ABCA1: variants seen among roughly 807,000 people sequenced by gnomAD.
The protein encoded by ABCA1 is phospholipid-transporting ATPase ABCA1.
In ABCA1, 133 loss-of-function variants were observed where a neutral mutation model predicts 262.5. The ratio of observed to expected loss-of-function variants is 0.51; its 90% CI spans 0.44 to 0.59. ABCA1 has a LOEUF of 0.59. Among genes scored for constraint, ABCA1 ranks in the 20% least tolerant of loss-of-function variants. The probability of loss-of-function intolerance (pLI) is 0.00; values close to 1 mark genes in which losing one functional copy is unlikely to be tolerated. For synonymous variants in ABCA1, 1,022 were observed against 1,043.5 expected (o/e 0.98, Z 0.40); for missense variants, 2,452 against 2,777.5 (o/e 0.88, Z 2.63).
At chr9:104,831,161 A>G in intron 13 of ABCA1, 60 bp from the exon 14 acceptor site, 1 of 1,455,096 alleles carries the variant, frequency 6.9e-7, no homozygotes, top group African/African-American at 1.5e-5. Context: ...AAAAAAAAAA[A>G]AAAAAAAAAT....
chr9:104,840,530 G>A lies in ABCA1; in HGVS notation c.814-11C>T. 4.4e-6 allele frequency: 7 copies of A among 1,608,362 alleles called. No individual in the cohort carries two copies. Among genetic ancestry groups the A allele is most frequent in the Non-Finnish European group, 5.9e-6 (7 of 1,177,842 alleles). On this transcript the variant is annotated splice_polypyrimidine_tract_variant and intron_variant, in intron 8 of 49. Coordinates refer to ENST00000374736, the MANE Select transcript of ABCA1 (RefSeq NM_005502.4). ...TCTCATGCTGAACAGCTGGCGTCAG[G>A]GATGGGGACAGAAAGGAGGGTAGGG... is the stretch of plus-strand genomic sequence containing the variant.
intron 5 of ABCA1, among the ~76,000 whole-genome samples, chr9:104,882,345 C>A (rs1265683577): frequency 3.3e-5 from 5 of 152,224 alleles, no homozygotes; most frequent in Non-Finnish European, 7.3e-5. Context: ...AGACCATGCA[C>A]ATGCCATTAC....
At chr9:104,919,894 C>T (rs1219494932) in intron 1 of ABCA1, among the ~76,000 whole-genome samples, 2 of 152,146 alleles carry the variant, frequency 1.3e-5, no homozygotes, top group African/African-American at 2.4e-5. Context: ...CTTCTGTCAT[C>T]GATCTGATCA....
rs995391814 is a variant in ABCA1, at chr9:104,783,332, T to A, written c.*983A>T. The A allele has an allele frequency of 4.6e-5, 7 of 152,224 alleles. No individual in the cohort carries two copies. Among genetic ancestry groups the A allele is most frequent in the Non-Finnish European group, 1.0e-4 (7 of 68,030 alleles). The allele number at this position is 152,224 out of a possible 1,614,324, so 9.4% of individuals were successfully genotyped here. ...TCCATCTTTTCATTTTCTAGATTAA[T>A]TCAAAAAGCCAGAAATAATACACTT... On this transcript the variant is annotated 3_prime_UTR_variant, in exon 50 of 50. Transcript: ENST00000374736.
intron 1 of ABCA1, among the ~76,000 whole-genome samples, chr9:104,925,595 T>A: frequency 6.6e-6 from 1 of 152,252 alleles, no homozygotes; most frequent in African/African-American, 2.4e-5. Flanking sequence ...TGGCTTGTAG[T>A]CATCGTGAAG....
At chr9:104,876,102 T>C (rs1588478117) in intron 5 of ABCA1, among the ~76,000 whole-genome samples, 1 of 152,164 alleles carries the variant, frequency 6.6e-6, no homozygotes, top group Non-Finnish European at 1.5e-5. Context: ...CTACCTGGCT[T>C]CCAGCCACAC....
chr9:104,796,372 T>G lies in ABCA1; in HGVS notation c.5174A>C (p.Gln1725Pro). The G allele has an allele frequency of 6.2e-7, 1 of 1,614,210 alleles. No homozygotes were observed. The change falls in exon 38 of 50, where the codon CAG becomes CCG. Residue 1725 changes from glutamine to proline, a missense_variant. This residue lies in a region of ABCA1 where 752 missense variants were observed against 944.5 expected (regional missense o/e 0.80). Coordinates refer to ENST00000374736, the MANE Select transcript of ABCA1 (RefSeq NM_005502.4). Reference protein sequence around the residue: ...TLVIIIFICFQQKSYVSSTNL... With the variant: ...TLVIIIFICFPQKSYVSSTNL... Reference sequence around the variant, plus strand: ...GGTGGAGGACACATAGGACTTCTGCTGGAAGCAGATGAAGATGATAATGAC... The same window carrying G: ...GGTGGAGGACACATAGGACTTCTGCGGGAAGCAGATGAAGATGATAATGAC...
intron 5 of ABCA1, among the ~76,000 whole-genome samples, chr9:104,872,570 C>T (rs1193010338): frequency 6.6e-6 from 1 of 152,170 alleles, no homozygotes; most frequent in Non-Finnish European, 1.5e-5. Flanking sequence ...TACCAATTTG[C>T]CCCTGCTAGT....
intron 17 of ABCA1, 141 bp from the exon 18 acceptor site, chr9:104,824,719 C>G: frequency 9.2e-7 from 1 of 1,081,542 alleles, no homozygotes; most frequent in Non-Finnish European, 1.4e-6. Context: ...AGGGAGCTAA[C>G]ATTTGCTGAA....
At chr9:104,916,635 T>C (rs10991408) in intron 1 of ABCA1, among the ~76,000 whole-genome samples, 11,760 of 152,272 alleles carry the variant, frequency 0.077, 735 homozygotes, top group East Asian at 0.35. Flanking sequence ...GAGAATAAAT[T>C]TAGCACGCCA....
chr9:104,899,146 A>C (rs1003845165), intron 2 of ABCA1, among the ~76,000 whole-genome samples: 24 of 152,344 alleles, frequency 1.6e-4, no homozygotes, highest in Non-Finnish European at 2.8e-4. Flanking sequence ...CATTCCGTAG[A>C]AGAGAAAACT....
chr9:104,800,283 G>A (rs1830220614), intron 35 of ABCA1, among the ~76,000 whole-genome samples: 1 of 152,174 alleles, frequency 6.6e-6, no homozygotes, highest in Admixed American at 6.5e-5. Flanking sequence ...AGGGAACTGA[G>A]GTTTAGATAG....
chr9:104,794,789 T>C (rs543292068), intron 39 of ABCA1, among the ~76,000 whole-genome samples: 1 of 152,278 alleles, frequency 6.6e-6, no homozygotes, highest in Admixed American at 6.5e-5. Context: ...ACAGGCTAGA[T>C]TTAATTAAAG....
rs745593394 is a variant in ABCA1 at position 104,819,625 on chromosome 9, G to A, written c.3202C>T (p.Arg1068Cys). The A allele has an allele frequency of 1.1e-5, 17 of 1,614,032 alleles. No individual in the cohort carries two copies. The highest frequency in any genetic ancestry group is 2.7e-5 in the African/African-American group (2 of 74,908). Residue 1068 changes from arginine (R) to cysteine (C), a missense_variant, in exon 22 of 50, where the codon CGC becomes TGC. Around this residue, in one of 4 missense-constraint regions of ABCA1, gnomAD observed 665 missense variants for 727.3 expected, o/e 0.91. Coordinates refer to ENST00000374736, the MANE Select transcript of ABCA1 (RefSeq NM_005502.4). Reference protein sequence around the residue: ...EPTAGVDPYSRRGIWELLLKY... With the variant: ...EPTAGVDPYSCRGIWELLLKY... ...AGCAGCAGCTCCCATATTCCCCTGC[G>A]GGAGTAAGGGTCCACACCAGCTGTG...
chr9:104,879,061 G>A (rs190343834), intron 5 of ABCA1, among the ~76,000 whole-genome samples: 1,905 of 150,442 alleles, frequency 0.013, 22 homozygotes, highest in Non-Finnish European at 0.016. Flanking sequence ...GTGACAGAGC[G>A]AGGCTCTGTC....
chr9:104,899,374 T>C (rs559433312), intron 2 of ABCA1, among the ~76,000 whole-genome samples: 8 of 152,202 alleles, frequency 5.3e-5, no homozygotes, highest in Non-Finnish European at 1.2e-4. Context: ...GGATAGTTCA[T>C]TCTTTTTCAT....
intron 7 of ABCA1, among the ~76,000 whole-genome samples, chr9:104,854,789 T>C (rs1003598161): frequency 5.9e-5 from 9 of 152,318 alleles, no homozygotes; most frequent in African/African-American, 2.2e-4. Flanking sequence ...ATAACAAGTC[T>C]CCCTCATGAC....
chr9:104,782,397 C>T lies in ABCA1; in HGVS notation c.*1918G>A, dbSNP rs1828595399. On this transcript the variant is annotated 3_prime_UTR_variant, in exon 50 of 50. Coordinates refer to ENST00000374736, the MANE Select transcript of ABCA1 (RefSeq NM_005502.4). ...TAATTTGAAATCTGAAGTCTTACAC[C>T]TTTAGCGTTAATATTCAAATTCTGG... 1 of 152,034 alleles carries T rather than the reference C, an allele frequency of 6.6e-6. No homozygotes were observed. Among genetic ancestry groups the T allele is most frequent in the East Asian group, 1.9e-4 (1 of 5,178 alleles). The allele number at this position is 152,034 out of a possible 1,614,324, so 9.4% of individuals were successfully genotyped here.
intron 1 of ABCA1, among the ~76,000 whole-genome samples, chr9:104,919,519 GGA>G (rs1324387614): frequency 2.6e-5 from 4 of 152,146 alleles, no homozygotes; most frequent in Non-Finnish European, 4.4e-5. Flanking sequence ...GGTTGAGGCA[GGA>G]GAACTGCTTG....
Sources: allele counts gnomAD v4.1 joint callset (sites outside exome capture counted in the v4.1 genomes callset), GRCh38; gene constraint gnomAD v4.1.1; regional missense constraint gnomAD v4.1.1; transcripts MANE v1.5; gene names NCBI Gene and HGNC (gene_info 2026-07-23, HGNC 2026-07-21).